ANK2: variants seen among roughly 807,000 people sequenced by gnomAD.
The protein encoded by ANK2 is ankyrin 2, also known as ankyrin-2.
In ANK2, 83 loss-of-function variants were observed where a neutral mutation model predicts 360.5. The observed-to-expected ratio is 0.23, with a 90% CI of 0.19 to 0.28. The LOEUF (loss-of-function observed/expected upper bound fraction) is 0.28, where lower values mean the gene tolerates loss of function less well. Ranked by LOEUF, ANK2 falls within the 10% of genes least tolerant of loss-of-function variation. The pLI, the probability that ANK2 is intolerant of heterozygous loss-of-function variation, is 1.00. For synonymous variants in ANK2, 1,740 were observed against 1,759.5 expected (o/e 0.99, Z 0.28); for missense variants, 4,201 against 4,795.7 (o/e 0.88, Z 3.66).
At chr4:113,366,967 C>G (rs1030476706) in intron 41 of ANK2, among the ~76,000 whole-genome samples, 1 of 152,082 alleles carries the variant, frequency 6.6e-6, no homozygotes. Context: ...GCCAGTCACT[C>G]CTCTGCTAAA....
Position 113,381,397 on chromosome 4 carries a change from C to G in ANK2, c.11860-60C>G, listed in dbSNP as rs2097167886. 3 of 1,599,694 alleles carry G rather than the reference C, an allele frequency of 1.9e-6. No individual in the cohort carries two copies. The African/African-American group carries it at 4.0e-5, about 21-fold the overall frequency. On this transcript the variant is annotated intron_variant, in intron 45 of 45. Transcript: ENST00000357077. ...CTCAGTGTAATGGTCACCTTCATTCCTAACAGCTGCCCTCTGGCAGTGAAA... is the reference window on the plus strand; with the variant it reads ...CTCAGTGTAATGGTCACCTTCATTCGTAACAGCTGCCCTCTGGCAGTGAAA...
intron 28 of ANK2, among the ~76,000 whole-genome samples, chr4:113,332,322 A>G (rs1323158809): frequency 6.6e-6 from 1 of 152,174 alleles, no homozygotes; most frequent in Admixed American, 6.5e-5. Flanking sequence ...AGATCTGCCT[A>G]GTTGTACTAT....
At chr4:112,849,323 A>G (rs1262203151) in intron 1 of ANK2, among the ~76,000 whole-genome samples, 1 of 152,218 alleles carries the variant, frequency 6.6e-6, no homozygotes, top group East Asian at 1.9e-4. Context: ...TGACGTTAAA[A>G]GAAATACCAG....
intron 1 of ANK2, among the ~76,000 whole-genome samples, chr4:112,824,987 C>T (rs1409335883): frequency 6.6e-6 from 1 of 152,088 alleles, no homozygotes; most frequent in Non-Finnish European, 1.5e-5. Flanking sequence ...GGCACATATA[C>T]ACCATGGAAT....
rs1220528625 is a variant in ANK2 at position 113,232,089 on chromosome 4, C to T, written c.385-72C>T. 16 of 1,057,682 alleles carry T rather than the reference C, an allele frequency of 1.5e-5. No individual in the cohort carries two copies. The East Asian group carries it at 2.6e-4, about 17-fold the overall frequency. 65.5% of individuals were successfully genotyped at this position (1,057,682 alleles called of 1,614,324 possible). ...AGTATTTTACCTATCTTCCCTATGTCGAAGGTTTACTTCCTAGTGTTCTCT... is the reference window on the plus strand; with the variant it reads ...AGTATTTTACCTATCTTCCCTATGTTGAAGGTTTACTTCCTAGTGTTCTCT... On this transcript the variant is annotated intron_variant, in intron 4 of 45. Coordinates refer to ENST00000357077, the MANE Select transcript of ANK2 (RefSeq NM_001148.6).
intron 1 of ANK2, among the ~76,000 whole-genome samples, chr4:112,897,005 A>G (rs1242607502): frequency 6.6e-6 from 1 of 151,840 alleles, no homozygotes; most frequent in African/African-American, 2.4e-5. Flanking sequence ...CTTTTCTTCC[A>G]TTTTCCTTGT....
At chr4:113,372,534 A>T in intron 43 of ANK2, 1 of 1,532,196 alleles carries the variant, frequency 6.5e-7, no homozygotes, top group East Asian at 2.4e-5. Flanking sequence ...TTCCACCAGG[A>T]GCTAACAGAG....
chr4:112,976,377 A>G (rs1293759757), intron 2 of ANK2, among the ~76,000 whole-genome samples: 3 of 152,212 alleles, frequency 2.0e-5, no homozygotes, highest in Admixed American at 1.3e-4. Flanking sequence ...TATTTTTAGT[A>G]GAGATGGGGT....
the ANK2 span, among the ~76,000 whole-genome samples, chr4:112,772,309 A>G: frequency 6.6e-6 from 1 of 152,164 alleles, no homozygotes; most frequent in Non-Finnish European, 1.5e-5. Context: ...AAACCATCAG[A>G]TCTCGTGAGA....
At chr4:113,187,334 G>C (rs553394195) in intron 2 of ANK2, among the ~76,000 whole-genome samples, 2 of 152,302 alleles carry the variant, frequency 1.3e-5, no homozygotes, top group Admixed American at 1.3e-4. Context: ...TGAGAATATA[G>C]TTTCTCATCC....
intron 2 of ANK2, among the ~76,000 whole-genome samples, chr4:113,008,429 A>T (rs921526378): frequency 1.1e-4 from 17 of 152,166 alleles, no homozygotes; most frequent in African/African-American, 4.1e-4. Flanking sequence ...CAGGCAATTT[A>T]ATTCTCCTAT....
At chr4:113,298,551 A>G (rs1001668187) in intron 22 of ANK2, among the ~76,000 whole-genome samples, 9 of 152,260 alleles carry the variant, frequency 5.9e-5, no homozygotes, top group East Asian at 1.9e-4. Flanking sequence ...CAGAATGTTA[A>G]GAACTCCTAC....
chr4:113,285,495 A>G (rs746945848), intron 18 of ANK2, among the ~76,000 whole-genome samples: 35 of 152,184 alleles, frequency 2.3e-4, no homozygotes, highest in Non-Finnish European at 2.9e-4. Context: ...AGCTCACAGA[A>G]ACACTTACAT....
the ANK2 span, among the ~76,000 whole-genome samples, chr4:112,742,124 A>T: frequency 5.3e-5 from 8 of 151,550 alleles, no homozygotes; most frequent in South Asian, 8.4e-4. Flanking sequence ...GCCAAATTTT[A>T]AAAAAAAATT....
At chr4:113,244,816 C>T (rs1027387796) in intron 9 of ANK2, among the ~76,000 whole-genome samples, 3 of 152,116 alleles carry the variant, frequency 2.0e-5, no homozygotes, top group Non-Finnish European at 2.9e-5. Flanking sequence ...CTCCCTGTGT[C>T]CATGTGTTCT....
intron 9 of ANK2, among the ~76,000 whole-genome samples, chr4:113,245,095 C>T (rs1036183974): frequency 2.6e-5 from 4 of 152,062 alleles, no homozygotes; most frequent in Non-Finnish European, 5.9e-5. Context: ...AAACTTTCCC[C>T]CCATAAGTTG....
intron 1 of ANK2, among the ~76,000 whole-genome samples, chr4:113,056,789 C>G (rs1035442675): frequency 6.6e-6 from 1 of 152,134 alleles, no homozygotes; most frequent in Non-Finnish European, 1.5e-5. Flanking sequence ...AAAATATGTT[C>G]TAGATAATAA....
rs117678662 is a variant in ANK2 at position 113,329,541 on chromosome 4, C to T, written c.2901-705C>T. ...TTCCAGCAGCATGAGCCCAGGGTTT[C>T]CCACTCCTGAAATTTCACTTCAAAA... On this transcript the variant is annotated intron_variant, in intron 26 of 45. Transcript: ENST00000357077. 8.5e-4 allele frequency among the ~76,000 whole-genome samples: 130 copies of T among 152,252 alleles called. 1 individual carries two copies. The East Asian group carries it at 0.021, about 24-fold the overall frequency.
At chr4:113,075,749 T>A (rs2079665287) in intron 1 of ANK2, among the ~76,000 whole-genome samples, 1 of 152,232 alleles carries the variant, frequency 6.6e-6, no homozygotes, top group South Asian at 2.1e-4. Flanking sequence ...TTTCTTACAG[T>A]GCTTCTGACC....
Sources: gnomAD v4.1 joint callset for allele counts (sites outside exome capture counted in the v4.1 genomes callset) on GRCh38, gnomAD v4.1.1 for gene constraint, MANE v1.5 for transcripts, NCBI Gene and HGNC (gene_info 2026-07-23, HGNC 2026-07-21) for gene names.